The following RNF180 variants were observed in gnomAD, a reference collection of about 807,000 sequenced individuals.
RNF180 encodes E3 ubiquitin-protein ligase RNF180.
A neutral mutation model predicts 59.2 loss-of-function variants in RNF180; 38 were observed. That is an observed-to-expected ratio of 0.64 (90% CI 0.50 to 0.84). The LOEUF is 0.84. Ranked by LOEUF, RNF180 falls within the 40% of genes least tolerant of loss-of-function variation. The pLI is 0.00. For synonymous variants in RNF180, 262 were observed against 240.3 expected (o/e 1.09, Z -0.84); for missense variants, 705 against 700.9 (o/e 1.01, Z -0.07).
At chr5:64,322,637 GTA>G (rs1554043417) in intron 5 of RNF180, among the ~76,000 whole-genome samples, 2 of 148,920 alleles carry the variant, frequency 1.3e-5, no homozygotes, top group Non-Finnish European at 3.0e-5. Flanking sequence ...GTGTGTGTGT[GTA>G]TAACGGAATA....
chr5:64,257,996 G>C (rs1744085837), intron 5 of RNF180, among the ~76,000 whole-genome samples: 3 of 152,280 alleles, frequency 2.0e-5, no homozygotes, highest in South Asian at 4.1e-4. Context: ...TCCTAATTTG[G>C]CCAGTGCCAT....
intron 5 of RNF180, among the ~76,000 whole-genome samples, chr5:64,276,374 G>GGTGT (rs143707598): frequency 0.31 from 44,636 of 145,248 alleles, 7,298 homozygotes; most frequent in African/African-American, 0.43. Context: ...AAACCACATT[G>GGTGT]GTGTGTGTGT....
At chr5:64,343,798 A>C (rs779235475) in intron 7 of RNF180, among the ~76,000 whole-genome samples, 1 of 151,210 alleles carries the variant, frequency 6.6e-6, no homozygotes, top group Non-Finnish European at 1.5e-5. Context: ...TGAAGGTGAA[A>C]TAAAGACATT....
intron 1 of RNF180, among the ~76,000 whole-genome samples, chr5:64,168,872 C>G (rs1253324420): frequency 6.6e-6 from 1 of 152,108 alleles, no homozygotes; most frequent in Non-Finnish European, 1.5e-5. Flanking sequence ...CTTTTATTAG[C>G]AATTCTGAAA....
At chr5:64,351,397 A>C (rs1361570301) in intron 7 of RNF180, among the ~76,000 whole-genome samples, 16 of 151,256 alleles carry the variant, frequency 1.1e-4, no homozygotes, top group Non-Finnish European at 2.4e-4. Context: ...CCCTTTATTT[A>C]TTTCTCCTGC....
chr5:64,210,014 A>G (rs1367281204), intron 2 of RNF180, among the ~76,000 whole-genome samples: 1 of 152,156 alleles, frequency 6.6e-6, no homozygotes, highest in Non-Finnish European at 1.5e-5. Flanking sequence ...GAGAAAAGCT[A>G]GTCATGACTG....
chr5:64,227,998 C>G (rs1194900023), intron 5 of RNF180, among the ~76,000 whole-genome samples: 1 of 152,074 alleles, frequency 6.6e-6, no homozygotes, highest in African/African-American at 2.4e-5. Context: ...GCAAATCTCA[C>G]CTACTCCTCT....
At chr5:64,200,279 A>C (rs1751674658) in intron 1 of RNF180, among the ~76,000 whole-genome samples, 1 of 152,120 alleles carries the variant, frequency 6.6e-6, no homozygotes, top group African/African-American at 2.4e-5. Flanking sequence ...CAGAAAGTAA[A>C]AAAAATAAAA....
chr5:64,325,159 AGAAAAAAGTTTTCTT>A lies in RNF180; in HGVS notation c.1228-26_1228-12del. ...AGGAAACCAATCTCATACTAAATTA[AGAAAAAAGTTTTCTT>A]ATGTTTTGCAGACTTTGAATAATGA... On this transcript the variant is annotated splice_polypyrimidine_tract_variant and intron_variant, in intron 5 of 7. Coordinates refer to ENST00000389100, the MANE Select transcript of RNF180 (RefSeq NM_001113561.2). 1 of 1,445,136 alleles carries A rather than the reference AGAAAAAAGTTTTCTT, an allele frequency of 6.9e-7. No individual in the cohort carries two copies. Among genetic ancestry groups the A allele is most frequent in the Non-Finnish European group, 9.5e-7 (1 of 1,052,398 alleles). 89.5% of individuals were successfully genotyped at this position (1,445,136 alleles called of 1,614,324 possible). A position where few individuals can be genotyped will look rare whatever the true frequency, so the allele number is the denominator to read the frequency against.
chr5:64,357,205 A>G (rs1452688991), intron 7 of RNF180, among the ~76,000 whole-genome samples: 1 of 151,850 alleles, frequency 6.6e-6, no homozygotes, highest in Admixed American at 6.6e-5. Context: ...GCCTAAGGGT[A>G]TAGGAGAAAA....
intron 7 of RNF180, among the ~76,000 whole-genome samples, chr5:64,335,677 A>G (rs1745095076): frequency 6.6e-6 from 1 of 152,136 alleles, no homozygotes; most frequent in African/African-American, 2.4e-5. Context: ...TTCAGTCACT[A>G]AAAACTTAGT....
At chr5:64,242,547 T>C (rs1160882037) in intron 5 of RNF180, among the ~76,000 whole-genome samples, 1 of 152,162 alleles carries the variant, frequency 6.6e-6, no homozygotes, top group Non-Finnish European at 1.5e-5. Context: ...GTAATAATAC[T>C]ATAATCAAAA....
At chr5:64,367,871 A>G (rs1240688505) in intron 7 of RNF180, among the ~76,000 whole-genome samples, 1 of 151,736 alleles carries the variant, frequency 6.6e-6, no homozygotes, top group Non-Finnish European at 1.5e-5. Flanking sequence ...AAATACTTAA[A>G]GTAGAAAGCA....
intron 5 of RNF180, among the ~76,000 whole-genome samples, chr5:64,219,984 TGAA>T (rs1752828687): frequency 6.6e-6 from 1 of 152,174 alleles, no homozygotes; most frequent in Non-Finnish European, 1.5e-5. Flanking sequence ...ATGTTGTTTT[TGAA>T]GAATTATCTA....
At chr5:64,304,862 G>A (rs1052282263) in intron 5 of RNF180, among the ~76,000 whole-genome samples, 18 of 151,568 alleles carry the variant, frequency 1.2e-4, no homozygotes, top group Non-Finnish European at 3.0e-5. Flanking sequence ...ATAAATTTTT[G>A]TGAAAAGAAG....
intron 1 of RNF180, among the ~76,000 whole-genome samples, chr5:64,171,907 T>A (rs1325859239): frequency 6.6e-6 from 1 of 152,172 alleles, no homozygotes; most frequent in Non-Finnish European, 1.5e-5. Context: ...AGGGAGCATG[T>A]CTTACTGTTT....
chr5:64,182,421 A>G, intron 1 of RNF180, among the ~76,000 whole-genome samples: 1 of 152,230 alleles, frequency 6.6e-6, no homozygotes, highest in Non-Finnish European at 1.5e-5. Flanking sequence ...AGTCATGAGT[A>G]ACTTCAGAAT....
intron 5 of RNF180, among the ~76,000 whole-genome samples, chr5:64,279,620 A>G (rs547416167): frequency 3.9e-5 from 6 of 152,290 alleles, no homozygotes; most frequent in Admixed American, 3.9e-4. Context: ...AATTCTGGCT[A>G]ATGGGTGTCT....
At chr5:64,339,194 A>C (rs578036864) in intron 7 of RNF180, among the ~76,000 whole-genome samples, 1 of 151,958 alleles carries the variant, frequency 6.6e-6, no homozygotes, top group South Asian at 2.1e-4. Context: ...CAAATTTGAG[A>C]ATTGTCTATT....
Sources: allele counts gnomAD v4.1 joint callset (sites outside exome capture counted in the v4.1 genomes callset), GRCh38; gene constraint gnomAD v4.1.1; transcripts MANE v1.5; gene names NCBI Gene and HGNC (gene_info 2026-07-23, HGNC 2026-07-21).